YY1: variants seen among roughly 807,000 people sequenced by gnomAD.
YY1 encodes transcriptional repressor protein YY1.
In YY1, 2 loss-of-function variants were observed where a neutral mutation model predicts 35.6. That is an observed-to-expected ratio of 0.06 (90% confidence interval 0.02 to 0.18). The LOEUF is 0.18. Ranked by LOEUF, YY1 falls within the 10% of genes least tolerant of loss-of-function variation. The pLI is 1.00. For missense variants in YY1, 322 were observed against 573.4 expected (o/e 0.56, Z 4.48); for synonymous variants, 268 against 238.9 (o/e 1.12, Z -1.12).
chr14:100,243,532 C>T (rs1035475151), intron 1 of YY1, among the ~76,000 whole-genome samples: 2 of 152,136 alleles, frequency 1.3e-5, no homozygotes, highest in African/African-American at 2.4e-5. Flanking sequence ...GTGGCTCACA[C>T]CTGTAGTCCC....
Position 100,239,154 on chromosome 14 carries a change from C to A in YY1, c.-91C>A. 7.8e-7 allele frequency: 1 copy of A among 1,277,224 alleles called. No homozygotes were observed. The highest frequency in any genetic ancestry group is 9.9e-7 in the Non-Finnish European group (1 of 1,014,742). The allele number at this position is 1,277,224 out of a possible 1,614,324, so 79.1% of individuals were successfully genotyped here. A position where few individuals can be genotyped will look rare whatever the true frequency, so the allele number is the denominator to read the frequency against. ...CCGCTCGCCGCCTTCCTCCCTCTGC[C>A]TTCCTTCCCCACGGCCGGCCGCCTC... On this transcript the variant is annotated 5_prime_UTR_variant, in exon 1 of 5. Transcript: ENST00000262238.
At position 100,239,569 on chromosome 14, in the gene YY1, C is replaced by T. The variant is rs539908009; in HGVS notation, c.325C>T (p.Arg109Cys). The T allele has an allele frequency of 6.2e-7, 1 of 1,612,576 alleles. No homozygotes were observed. Among genetic ancestry groups the T allele is most frequent in the South Asian group, 1.1e-5 (1 of 91,076 alleles). Residue 109 changes from arginine (R) to cysteine (C), a missense_variant, in exon 1 of 5, where the codon CGC becomes TGC. By Grantham distance (180) the Arg-to-Cys change is radical. Coordinates refer to ENST00000262238, the MANE Select transcript of YY1 (RefSeq NM_003403.5). ...HHQEVILVQT[R>C]EEVVGGDDSD... Reference sequence around the variant, plus strand: ...CCAGGAGGTGATCCTGGTGCAGACGCGCGAGGAGGTGGTGGGCGGCGACGA... The same window carrying T: ...CCAGGAGGTGATCCTGGTGCAGACGTGCGAGGAGGTGGTGGGCGGCGACGA...
intron 2 of YY1, among the ~76,000 whole-genome samples, chr14:100,263,500 T>C (rs993841563): frequency 1.3e-5 from 2 of 152,306 alleles, no homozygotes; most frequent in Middle Eastern, 6.8e-3. Flanking sequence ...TTTGTGTTAC[T>C]TTCTAGTACT....
chr14:100,260,460 CAT>C (rs1436170263), intron 1 of YY1, among the ~76,000 whole-genome samples: 1 of 128,316 alleles, frequency 7.8e-6, no homozygotes, highest in Non-Finnish European at 1.6e-5. Context: ...CACACACACA[CAT>C]ATATGTATTT....
intron 2 of YY1, among the ~76,000 whole-genome samples, chr14:100,273,709 GA>G (rs1054157875): frequency 1.3e-5 from 2 of 152,098 alleles, no homozygotes; most frequent in Admixed American, 6.5e-5. Flanking sequence ...AGGGGTGTGA[GA>G]GGGGTAAAAC....
intron 1 of YY1, among the ~76,000 whole-genome samples, chr14:100,242,404 T>TGAGA (rs1890762998): frequency 7.1e-6 from 1 of 139,984 alleles, no homozygotes; most frequent in African/African-American, 2.7e-5. Flanking sequence ...TTTTTTTTTT[T>TGAGA]TTGAGATGGA....
At chr14:100,242,360 T>A (rs1413165286) in intron 1 of YY1, among the ~76,000 whole-genome samples, 4 of 148,586 alleles carry the variant, frequency 2.7e-5, no homozygotes, top group Non-Finnish European at 4.4e-5. Flanking sequence ...TGCAAGTGGC[T>A]GTTTTGTTTT....
intron 1 of YY1, among the ~76,000 whole-genome samples, chr14:100,258,547 GTA>G (rs1891035740): frequency 1.3e-5 from 2 of 152,234 alleles, no homozygotes; most frequent in East Asian, 3.9e-4. Context: ...TGTATTTTTA[GTA>G]GAGACGGGGT....
chr14:100,250,295 A>G (rs1233998262), intron 1 of YY1, among the ~76,000 whole-genome samples: 2 of 152,218 alleles, frequency 1.3e-5, no homozygotes, highest in Non-Finnish European at 2.9e-5. Context: ...GTTGCTAAGC[A>G]GTGAATCGCA....
At chr14:100,260,725 C>G (rs1204500091) in intron 1 of YY1, among the ~76,000 whole-genome samples, 2 of 147,790 alleles carry the variant, frequency 1.4e-5, no homozygotes, top group African/African-American at 5.0e-5. Flanking sequence ...CCTGCCTCGG[C>G]CTCCCAAAGT....
At chr14:100,261,980 C>G (rs1891091813) in intron 1 of YY1, among the ~76,000 whole-genome samples, 1 of 152,000 alleles carries the variant, frequency 6.6e-6, no homozygotes, top group South Asian at 2.1e-4. Context: ...GAGACCCTGT[C>G]TCTACAATAA....
In YY1 at chr14:100,266,587, A is replaced by G. The variant is rs779847923; in HGVS notation, c.842+4121A>G. Among the ~76,000 whole-genome samples the G allele has an allele frequency of 1.1e-3, 165 of 152,078 alleles. 5 individuals carry two copies. Among genetic ancestry groups the G allele is most frequent in the Non-Finnish European group, 3.7e-4 (25 of 68,010 alleles). On this transcript the variant is annotated intron_variant, in intron 2 of 4. Coordinates refer to ENST00000262238, the MANE Select transcript of YY1 (RefSeq NM_003403.5). ...TGGGAAGGTAACATGGCTACCTTAG[A>G]CCATACTCCTTAAGAAAGGGACCAC... is the stretch of plus-strand genomic sequence containing the variant.
In YY1 at chr14:100,250,226, T is replaced by G. The variant is rs192253262; in HGVS notation, c.679+10303T>G. Among the ~76,000 whole-genome samples the G allele has an allele frequency of 2.3e-4, 35 of 152,294 alleles. 1 individual carries two copies. In the East Asian group the frequency reaches 4.6e-3, roughly 20 times the overall value. ...GGTACTTAATAAAGGATAGTATCCT[T>G]TCTTAAGGTCTTTATTAGTGGGAAA... On this transcript the variant is annotated intron_variant, in intron 1 of 4. Coordinates refer to ENST00000262238, the MANE Select transcript of YY1 (RefSeq NM_003403.5).
intron 2 of YY1, among the ~76,000 whole-genome samples, chr14:100,266,245 C>T (rs991925257): frequency 2.6e-5 from 4 of 151,938 alleles, no homozygotes; most frequent in Admixed American, 1.3e-4. Context: ...GAGGACGCAG[C>T]GAAACCATGT....
In YY1 at chr14:100,241,249, C is replaced by T. The variant is rs537796992; in HGVS notation, c.679+1326C>T. Among the ~76,000 whole-genome samples, 3 of 152,314 alleles carry T rather than the reference C, an allele frequency of 2.0e-5. No homozygotes were observed. The South Asian group carries it at 6.2e-4, about 32-fold the overall frequency. On this transcript the variant is annotated intron_variant, in intron 1 of 4. Coordinates refer to ENST00000262238, the MANE Select transcript of YY1 (RefSeq NM_003403.5). ...TAGTACTCCATATAAGCGGTGGAAC[C>T]TCTTCCCTATAAGTACTTTAAAGCT...
intron 1 of YY1, among the ~76,000 whole-genome samples, chr14:100,260,449 A>G (rs1297515924): frequency 7.1e-6 from 1 of 141,522 alleles, no homozygotes; most frequent in Non-Finnish European, 1.5e-5. Context: ...ATATATATAC[A>G]CACACACACA....
chr14:100,255,290 T>A (rs538742130), intron 1 of YY1, among the ~76,000 whole-genome samples: 144 of 152,214 alleles, frequency 9.5e-4, no homozygotes, highest in Non-Finnish European at 1.9e-3. Flanking sequence ...CAACAAAATA[T>A]GTTTTATTTT....
intron 1 of YY1, among the ~76,000 whole-genome samples, chr14:100,243,807 A>AG (rs1484693359): frequency 2.5e-4 from 37 of 150,618 alleles, no homozygotes; most frequent in African/African-American, 8.5e-4. Flanking sequence ...ACACTGTCAA[A>AG]AAAAAAAAAA....
intron 1 of YY1, among the ~76,000 whole-genome samples, chr14:100,246,886 C>T (rs933273884): frequency 6.6e-6 from 1 of 152,168 alleles, no homozygotes; most frequent in African/African-American, 2.4e-5. Context: ...ATAGGGTAGC[C>T]TAAGTCATAG....
Sources: allele counts gnomAD v4.1 joint callset (sites outside exome capture counted in the v4.1 genomes callset), GRCh38; gene constraint gnomAD v4.1.1; transcripts MANE v1.5; gene names NCBI Gene and HGNC (gene_info 2026-07-23, HGNC 2026-07-21).